The following UNK variants were observed in gnomAD, a reference collection of about 807,000 sequenced individuals.
The protein encoded by UNK is unk zinc finger.
In UNK, 32 loss-of-function variants were observed where a neutral mutation model predicts 97.6. That is an observed-to-expected ratio of 0.33 (90% CI 0.25 to 0.44). The LOEUF is 0.44. UNK is among the 20% of genes least tolerant of loss of function. The pLI, the probability that UNK is intolerant of heterozygous loss-of-function variation, is 1.00. For synonymous variants in UNK, 441 were observed against 461.2 expected, an observed-to-expected ratio of 0.96 and a Z score of 0.56; for missense variants, 771 against 1,098.4, an observed-to-expected ratio of 0.70 and a Z score of 4.21.
intron 1 of UNK, chr17:75,809,039 G>A (rs1156561581): frequency 2.1e-5 from 3 of 142,554 alleles, no homozygotes; most frequent in Non-Finnish European, 4.6e-5. Context: ...GGCTGCTGCA[G>A]GTACTCACAT....
chr17:75,804,366 A>T (rs1268226213), intron 1 of UNK, among the ~76,000 whole-genome samples: 1 of 150,704 alleles, frequency 6.6e-6, no homozygotes, highest in Non-Finnish European at 1.5e-5. Context: ...GAGGCAGGGG[A>T]ATCGCTTGAG....
rs2062047588 is a variant in UNK at position 75,819,606 on chromosome 17, GC to G, written c.1547-77del. On this transcript the variant is annotated intron_variant, in intron 11 of 15. Transcript: ENST00000589666. This position sits in a 1 kb window ranked among gnomAD's most constrained non-coding sequence, Gnocchi z 5.4. ...CCCAGCGTAGCATGGGCGTGAAGATGCAGCGTGGGCAGTAGACGAGGTGGTC... is the reference window on the plus strand; with the variant it reads ...CCCAGCGTAGCATGGGCGTGAAGATGAGCGTGGGCAGTAGACGAGGTGGTC... 1.5e-6 allele frequency: 2 copies of G among 1,337,656 alleles called. No homozygotes were observed. Among genetic ancestry groups the G allele is most frequent in the Non-Finnish European group, 2.1e-6 (2 of 932,294 alleles). 82.9% of individuals were successfully genotyped at this position (1,337,656 alleles called of 1,614,324 possible).
At chr17:75,794,285 C>T (rs2061786506) in intron 1 of UNK, 1 of 624,796 alleles carries the variant, frequency 1.6e-6, no homozygotes, top group Non-Finnish European at 2.0e-6. Flanking sequence ...AAACAGCTTT[C>T]AGAGAGTCAC....
chr17:75,811,471 G>A (rs112523698), intron 2 of UNK, among the ~76,000 whole-genome samples: 1 of 152,182 alleles, frequency 6.6e-6, no homozygotes, highest in Admixed American at 6.5e-5. Flanking sequence ...GCACTCAGGG[G>A]ATGAAGGCTA....
chr17:75,803,302 C>A (rs1201007894), intron 1 of UNK, among the ~76,000 whole-genome samples: 1 of 152,158 alleles, frequency 6.6e-6, no homozygotes, highest in Non-Finnish European at 1.5e-5. Context: ...ACTTGGGAGC[C>A]TGAGGCAGAA....
rs1306327288 is a variant in UNK at position 75,801,043 on chromosome 17, A to G, written c.105-8717A>G. ...CTCAGCCTCCTGAGTAGCTGGGACT[A>G]CAGGCGCCAGCCACCACGCCCGGCT... On this transcript the variant is annotated intron_variant, in intron 1 of 15. Transcript: ENST00000589666. Among the ~76,000 whole-genome samples, 3 of 151,802 alleles carry G rather than the reference A, an allele frequency of 2.0e-5. 1 individual carries two copies. The highest frequency in any genetic ancestry group is 4.2e-4 in the South Asian group (2 of 4,786).
intron 1 of UNK, among the ~76,000 whole-genome samples, chr17:75,789,817 CT>C (rs1201731680): frequency 6.6e-6 from 1 of 152,098 alleles, no homozygotes; most frequent in African/African-American, 2.4e-5. Flanking sequence ...TACCTTTTGG[CT>C]TTTTGCTGTA....
chr17:75,814,288 G>A (rs1213914820), intron 6 of UNK, among the ~76,000 whole-genome samples: 1 of 151,980 alleles, frequency 6.6e-6, no homozygotes, highest in Non-Finnish European at 1.5e-5. Context: ...CATCACTTGA[G>A]GTCAGGAGTT....
intron 1 of UNK, among the ~76,000 whole-genome samples, chr17:75,800,774 A>T (rs1159454166): frequency 6.6e-6 from 1 of 151,850 alleles, no homozygotes; most frequent in Non-Finnish European, 1.5e-5. Flanking sequence ...CTTCCTTTGA[A>T]CCTGCACTCA....
At position 75,819,625 on chromosome 17, in the gene UNK, A is replaced by T; in HGVS notation, c.1547-59A>T. On this transcript the variant is annotated intron_variant, in intron 11 of 15. Transcript: ENST00000589666. The surrounding 1 kb of genome is among the most constrained non-coding windows in gnomAD (Gnocchi z 5.4). ...GAAGATGCAGCGTGGGCAGTAGACG[A>T]GGTGGTCAGGGTCAGATAGTCCCTC... is the stretch of plus-strand genomic sequence containing the variant. 6.6e-7 allele frequency: 1 copy of T among 1,513,240 alleles called. No individual in the cohort carries two copies. Among genetic ancestry groups the T allele is most frequent in the South Asian group, 1.1e-5 (1 of 88,846 alleles). 93.7% of individuals were successfully genotyped at this position (1,513,240 alleles called of 1,614,324 possible). A position where few individuals can be genotyped will look rare whatever the true frequency, so the allele number is the denominator to read the frequency against.
chr17:75,790,301 G>GA (rs778023006), intron 1 of UNK, among the ~76,000 whole-genome samples: 4 of 150,728 alleles, frequency 2.7e-5, no homozygotes, highest in African/African-American at 4.9e-5. Context: ...CATCTCAAGG[G>GA]AAAAAAAAAG....
At chr17:75,797,766 AAGGCTG>A (rs1355202287) in intron 1 of UNK, among the ~76,000 whole-genome samples, 1 of 152,140 alleles carries the variant, frequency 6.6e-6, no homozygotes, top group Non-Finnish European at 1.5e-5. Flanking sequence ...CCCATTACCC[AAGGCTG>A]AGGGGCATCC....
intron 1 of UNK, among the ~76,000 whole-genome samples, chr17:75,801,049 G>A (rs1472107991): frequency 1.1e-4 from 16 of 151,580 alleles, no homozygotes; most frequent in African/African-American, 1.9e-4. Context: ...GACTACAGGC[G>A]CCAGCCACCA....
chr17:75,824,376 C>T lies in UNK; in HGVS notation c.2392C>T (p.Pro798Ser), dbSNP rs1041173332. Residue 798 changes from proline (P) to serine (S), a missense_variant, in exon 16 of 16, where the codon CCC (proline) becomes TCC (serine). Physicochemically the swap from Pro to Ser is moderately conservative, Grantham distance 74 (BLOSUM62 -1). Around this residue, in one of 5 missense-constraint regions of UNK, gnomAD observed 208 missense variants for 257.4 expected, o/e 0.81. Coordinates refer to ENST00000589666, the MANE Select transcript of UNK (RefSeq NM_001080419.3). This position sits in a 1 kb window ranked among gnomAD's most constrained non-coding sequence, Gnocchi z 4.9. ...GCTCTGCGCTGAGGGCAGCGAGTGC[C>T]CCATCTGCCAGCCTGGCCGGGCCCA... ...CELCAEGSEC[P>S]ICQPGRAHTL... 1 of 1,572,142 alleles carries T rather than the reference C, an allele frequency of 6.4e-7. No individual in the cohort carries two copies. Among genetic ancestry groups the T allele is most frequent in the Non-Finnish European group, 8.6e-7 (1 of 1,162,400 alleles).
Position 75,819,315 on chromosome 17 carries a change from A to G in UNK, c.1547-369A>G. 1 of 322,634 alleles carries G rather than the reference A, an allele frequency of 3.1e-6. No homozygotes were observed. The highest frequency in any genetic ancestry group is 5.8e-6 in the Non-Finnish European group (1 of 172,254). 20.0% of individuals were successfully genotyped at this position (322,634 alleles called of 1,614,324 possible). ...TGGACATTTGTCAAGCACCTGCTAT[A>G]CACCAGCCACTGAGTGCCCAGAGAC... On this transcript the variant is annotated intron_variant, in intron 11 of 15. Coordinates refer to ENST00000589666, the MANE Select transcript of UNK (RefSeq NM_001080419.3). This position sits in a 1 kb window ranked among gnomAD's most constrained non-coding sequence, Gnocchi z 5.4.
chr17:75,800,908 T>TTTTTG (rs2061850960), intron 1 of UNK, among the ~76,000 whole-genome samples: 1 of 150,868 alleles, frequency 6.6e-6, no homozygotes, highest in African/African-American at 2.4e-5. Flanking sequence ...CATACCACAT[T>TTTTTG]TTTTGTTTTT....
intron 1 of UNK, among the ~76,000 whole-genome samples, chr17:75,807,526 G>A (rs1181428542): frequency 7.2e-5 from 11 of 152,210 alleles, no homozygotes. Flanking sequence ...CACGATCTTG[G>A]CTCACTGCAA....
intron 1 of UNK, among the ~76,000 whole-genome samples, chr17:75,809,218 A>T (rs1182585159): frequency 6.6e-6 from 1 of 152,128 alleles, no homozygotes; most frequent in Non-Finnish European, 1.5e-5. Context: ...GTAATTACTG[A>T]GTCAGTAGTC....
At chr17:75,800,509 C>G (rs78409592) in intron 1 of UNK, among the ~76,000 whole-genome samples, 5,646 of 151,560 alleles carry the variant, frequency 0.037, 385 homozygotes, top group East Asian at 0.35. Flanking sequence ...GAGGCCGAGG[C>G]GGGCGGATCA....
Sources: allele counts gnomAD v4.1 joint callset (sites outside exome capture counted in the v4.1 genomes callset), GRCh38; gene constraint gnomAD v4.1.1; regional missense constraint gnomAD v4.1.1; non-coding constraint Gnocchi (gnomAD v3.1); transcripts MANE v1.5; gene names NCBI Gene and HGNC (gene_info 2026-07-23, HGNC 2026-07-21).